Variants in KLHL1 observed in about 807,000 individuals in gnomAD.
KLHL1 encodes kelch like family member 1.
KLHL1 carries 47 observed loss-of-function variants against 77.7 expected under a neutral mutation model. The observed-to-expected ratio is 0.60, with a 90% CI of 0.48 to 0.77. The LOEUF is 0.77. KLHL1 is among the 30% of genes least tolerant of loss of function. The probability of loss-of-function intolerance (pLI) is 0.00; values close to 1 mark genes in which losing one functional copy is unlikely to be tolerated. For synonymous variants in KLHL1, 360 were observed against 325.2 expected (o/e 1.11, Z -1.15); for missense variants, 925 against 910.8 (o/e 1.02, Z -0.20).
At position 69,755,635 on chromosome 13, in the gene KLHL1, T is replaced by A. The variant is rs537385438; in HGVS notation, c.1640-15079A>T. On this transcript the variant is annotated intron_variant, in intron 7 of 10. Transcript: ENST00000377844. ...ATACATCTTTATATTTGAATTCATC[T>A]CCAAAGTAATTTTAAAAAAAAAGCA... Among the ~76,000 whole-genome samples, 55 of 151,772 alleles carry A rather than the reference T, an allele frequency of 3.6e-4. 2 individuals carry two copies. In the South Asian group the frequency reaches 0.011, roughly 32 times the overall value.
At chr13:69,736,409 TGGTG>T (rs1160629653) in intron 8 of KLHL1, among the ~76,000 whole-genome samples, 1 of 152,170 alleles carries the variant, frequency 6.6e-6, no homozygotes, top group African/African-American at 2.4e-5. Context: ...GGCATGGATG[TGGTG>T]AAAAGGGAAC....
chr13:70,069,075 A>G (rs1324227579), intron 1 of KLHL1, among the ~76,000 whole-genome samples: 6 of 152,222 alleles, frequency 3.9e-5, no homozygotes, highest in African/African-American at 1.4e-4. Flanking sequence ...TTGAGATTTT[A>G]TCAAAATCTA....
chr13:69,833,788 CTTG>C (rs557211976), intron 6 of KLHL1, among the ~76,000 whole-genome samples: 148 of 147,588 alleles, frequency 1.0e-3, no homozygotes, highest in African/African-American at 3.0e-3. Context: ...TACATATATA[CTTG>C]TTGTGTTCTA....
At chr13:70,065,082 G>C (rs570051843) in intron 1 of KLHL1, among the ~76,000 whole-genome samples, 2 of 152,210 alleles carry the variant, frequency 1.3e-5, no homozygotes, top group South Asian at 4.2e-4. Context: ...ATCCAGACTT[G>C]ATACTCTAAC....
At chr13:69,837,317 T>C (rs1485221662) in intron 6 of KLHL1, among the ~76,000 whole-genome samples, 1 of 151,618 alleles carries the variant, frequency 6.6e-6, no homozygotes, top group Non-Finnish European at 1.5e-5. Context: ...TGTTTAATAA[T>C]AGGGTTAAGC....
chr13:70,053,426 A>G (rs1886675225), intron 1 of KLHL1, among the ~76,000 whole-genome samples: 1 of 152,104 alleles, frequency 6.6e-6, no homozygotes, highest in African/African-American at 2.4e-5. Context: ...TGAAAATAAT[A>G]TATGTGATTT....
intron 8 of KLHL1, among the ~76,000 whole-genome samples, chr13:69,738,301 C>T (rs1236010918): frequency 1.3e-5 from 2 of 152,118 alleles, no homozygotes; most frequent in African/African-American, 4.8e-5. Flanking sequence ...AATCTACACA[C>T]AAAAATGCTG....
At chr13:69,973,620 T>C (rs1452103146) in intron 2 of KLHL1, among the ~76,000 whole-genome samples, 1 of 151,918 alleles carries the variant, frequency 6.6e-6, no homozygotes, top group East Asian at 1.9e-4. Context: ...TTATTCATTT[T>C]AAGTCAAGAG....
chr13:69,870,339 C>T lies in KLHL1; in HGVS notation c.1227+11944G>A, dbSNP rs545946676. ...TAATAGAGCAATAACTCACTCATTACCATGAGGACAGCACCCAGACATTCA... is the reference window on the plus strand; with the variant it reads ...TAATAGAGCAATAACTCACTCATTATCATGAGGACAGCACCCAGACATTCA... On this transcript the variant is annotated intron_variant, in intron 5 of 10. Coordinates refer to ENST00000377844, the MANE Select transcript of KLHL1 (RefSeq NM_020866.3). Among the ~76,000 whole-genome samples the T allele has an allele frequency of 1.5e-3, 232 of 152,176 alleles. 1 individual carries two copies. The highest frequency in any genetic ancestry group is 5.1e-3 in the African/African-American group (213 of 41,514).
At chr13:69,806,976 T>A (rs1593849495) in intron 6 of KLHL1, among the ~76,000 whole-genome samples, 1 of 152,186 alleles carries the variant, frequency 6.6e-6, no homozygotes. Context: ...AGCTTCTTGT[T>A]CACACTACAT....
At chr13:69,990,499 G>GA (rs1885000684) in intron 1 of KLHL1, among the ~76,000 whole-genome samples, 1 of 151,670 alleles carries the variant, frequency 6.6e-6, no homozygotes, top group Non-Finnish European at 1.5e-5. Context: ...ATGGAAAACA[G>GA]AAAAAAGCAG....
At chr13:69,738,245 G>C (rs911181253) in intron 8 of KLHL1, among the ~76,000 whole-genome samples, 4 of 152,132 alleles carry the variant, frequency 2.6e-5, no homozygotes, top group Non-Finnish European at 5.9e-5. Flanking sequence ...CCAACAGTCA[G>C]CAGCTTCAAA....
intron 1 of KLHL1, among the ~76,000 whole-genome samples, chr13:70,010,257 T>C (rs1885501306): frequency 6.6e-6 from 1 of 152,108 alleles, no homozygotes; most frequent in Admixed American, 6.5e-5. Flanking sequence ...TAGTGTTATG[T>C]ATAGAATAGA....
At chr13:70,018,490 T>C (rs9599531) in intron 1 of KLHL1, among the ~76,000 whole-genome samples, 1,940 of 152,310 alleles carry the variant, frequency 0.013, 16 homozygotes, top group Non-Finnish European at 0.021. Flanking sequence ...CTATGAAGAT[T>C]AGTACCTGAT....
intron 4 of KLHL1, among the ~76,000 whole-genome samples, chr13:69,891,360 CTAG>C (rs1176743365): frequency 2.0e-5 from 3 of 151,940 alleles, no homozygotes; most frequent in Non-Finnish European, 4.4e-5. Flanking sequence ...AAAACTGTTT[CTAG>C]TATCAGAAAT....
At chr13:69,986,884 G>T (rs1298594651) in intron 1 of KLHL1, among the ~76,000 whole-genome samples, 1 of 151,814 alleles carries the variant, frequency 6.6e-6, no homozygotes, top group Non-Finnish European at 1.5e-5. Context: ...AAATTGATGA[G>T]ATTCCAACTT....
intron 1 of KLHL1, among the ~76,000 whole-genome samples, chr13:70,063,376 C>T (rs9592675): frequency 0.3 from 45,084 of 151,972 alleles, 8,338 homozygotes; most frequent in South Asian, 0.48. Context: ...ACTGCAATTA[C>T]AGCTTTTACA....
At chr13:70,033,656 G>A (rs2137369714) in intron 1 of KLHL1, among the ~76,000 whole-genome samples, 1 of 106,058 alleles carries the variant, frequency 9.4e-6, no homozygotes, top group East Asian at 2.8e-4. Flanking sequence ...GTCTTGCTCT[G>A]TTGTTCAGGC....
rs553107999 is a variant in KLHL1, at chr13:69,700,642, G to A, written c.*1060C>T. The stretch of plus-strand genomic sequence containing the variant: ...ATTAATTGTAATTAAAATTTACATG[G>A]GCCTATTTATTAAGGACATTGTGTA... On this transcript the variant is annotated 3_prime_UTR_variant, in exon 11 of 11. Transcript: ENST00000377844. 1 of 152,024 alleles carries A rather than the reference G, an allele frequency of 6.6e-6. No homozygotes were observed. The highest frequency in any genetic ancestry group is 2.1e-4 in the South Asian group (1 of 4,788). 9.4% of individuals were successfully genotyped at this position (152,024 alleles called of 1,614,324 possible).
Sources: gnomAD v4.1 joint callset for allele counts (sites outside exome capture counted in the v4.1 genomes callset) on GRCh38, gnomAD v4.1.1 for gene constraint, MANE v1.5 for transcripts, NCBI Gene and HGNC (gene_info 2026-07-23, HGNC 2026-07-21) for gene names.